The following NEMP2 variants were observed in gnomAD, a reference collection of about 807,000 sequenced individuals.
NEMP2 encodes the protein UPF0571 transmembrane protein.
In NEMP2, 53 loss-of-function variants were observed where a neutral mutation model predicts 54.2. That is an observed-to-expected ratio of 0.98 (90% confidence interval 0.78 to 1.23). The LOEUF (loss-of-function observed/expected upper bound fraction) is 1.23, where lower values mean the gene tolerates loss of function less well. Ranked by LOEUF, NEMP2 falls within the 50% of genes most tolerant of loss-of-function variation. The pLI is 0.00. For missense variants in NEMP2, 455 were observed against 511.3 expected, an observed-to-expected ratio of 0.89 and a Z score of 1.06; for synonymous variants, 197 against 190.3, an observed-to-expected ratio of 1.04 and a Z score of -0.29.
the NEMP2 span, among the ~76,000 whole-genome samples, chr2:190,462,632 G>A: frequency 7.2e-4 from 109 of 152,288 alleles, no homozygotes; most frequent in African/African-American, 2.4e-3. The surrounding 1 kb of genome is among the most constrained non-coding windows in gnomAD (Gnocchi z 5.7). Context: ...GAAACAAAGA[G>A]TGTAGCAGAG....
chr2:190,458,060 G>A, the NEMP2 span, among the ~76,000 whole-genome samples: 2 of 152,096 alleles, frequency 1.3e-5, no homozygotes, highest in African/African-American at 2.4e-5. The surrounding 1 kb of genome is among the most constrained non-coding windows in gnomAD (Gnocchi z 5.3). Flanking sequence ...AGCTGCCAGC[G>A]GTGTCACACA....
chr2:190,581,326 AT>A, the NEMP2 span, among the ~76,000 whole-genome samples: 544 of 152,364 alleles, frequency 3.6e-3, 7 homozygotes, highest in African/African-American at 0.013. Flanking sequence ...ATGGAAAAAA[AT>A]ATAATGTGTT....
chr2:190,640,786 AATTTTTTTTTTTTTTTTTTTTTTTTTTTT>A, the NEMP2 span, among the ~76,000 whole-genome samples: 2 of 119,302 alleles, frequency 1.7e-5, no homozygotes. Context: ...TAACACATTC[AATTTTTTTTTTTTTTTTTTTTTTTTTTTT>A]TTTTTTTTTT....
the NEMP2 span, among the ~76,000 whole-genome samples, chr2:190,485,727 A>AAGCAAAC: frequency 6.6e-6 from 1 of 152,164 alleles, no homozygotes; most frequent in East Asian, 1.9e-4. This position sits in a 1 kb window ranked among gnomAD's most constrained non-coding sequence, Gnocchi z 5.1. Flanking sequence ...TTGCCAGATA[A>AAGCAAAC]AGCAAACACG....
chr2:190,604,382 C>T, the NEMP2 span, among the ~76,000 whole-genome samples: 6 of 152,234 alleles, frequency 3.9e-5, no homozygotes, highest in South Asian at 2.1e-4. The surrounding 1 kb of genome is among the most constrained non-coding windows in gnomAD (Gnocchi z 4.5). Flanking sequence ...ACTACAGGTA[C>T]TTCTGGCAAA....
the NEMP2 span, among the ~76,000 whole-genome samples, chr2:190,552,306 T>C: frequency 2.6e-5 from 4 of 152,230 alleles, no homozygotes; most frequent in Admixed American, 2.0e-4. Flanking sequence ...GCCTGGTAAC[T>C]AGTCATTATA....
At chr2:190,425,459 C>G in the NEMP2 span, among the ~76,000 whole-genome samples, 12 of 152,182 alleles carry the variant, frequency 7.9e-5, no homozygotes, top group African/African-American at 2.9e-4. This position sits in a 1 kb window ranked among gnomAD's most constrained non-coding sequence, Gnocchi z 4.3. Context: ...TGCAGTGTTA[C>G]CCATGGGTTT....
At chr2:190,558,271 A>G in the NEMP2 span, among the ~76,000 whole-genome samples, 1 of 152,182 alleles carries the variant, frequency 6.6e-6, no homozygotes, top group African/African-American at 2.4e-5. This position sits in a 1 kb window ranked among gnomAD's most constrained non-coding sequence, Gnocchi z 4.4. Context: ...AAGTTGAATA[A>G]TGAGAACACA....
the NEMP2 span, among the ~76,000 whole-genome samples, chr2:190,598,736 T>C: frequency 6.6e-6 from 1 of 152,256 alleles, no homozygotes. Context: ...AGATCCATGT[T>C]GCCATGTTGC....
At chr2:190,602,013 T>C in the NEMP2 span, among the ~76,000 whole-genome samples, 1 of 152,130 alleles carries the variant, frequency 6.6e-6, no homozygotes, top group Non-Finnish European at 1.5e-5. Flanking sequence ...TCAAGCTGGC[T>C]AAAATGAACA....
chr2:190,485,466 T>C, the NEMP2 span, among the ~76,000 whole-genome samples: 1 of 152,198 alleles, frequency 6.6e-6, no homozygotes, highest in South Asian at 2.1e-4. This position sits in a 1 kb window ranked among gnomAD's most constrained non-coding sequence, Gnocchi z 5.1. Flanking sequence ...GATTTTGCTA[T>C]TGAATCTAAT....
intron 2 of NEMP2, among the ~76,000 whole-genome samples, chr2:190,524,107 C>T (rs1481779815): frequency 6.6e-6 from 1 of 151,174 alleles, no homozygotes; most frequent in Non-Finnish European, 1.5e-5. Context: ...GTTCCAGCTA[C>T]TTGAAAGGCT....
the NEMP2 span, among the ~76,000 whole-genome samples, chr2:190,643,027 T>G: frequency 6.7e-6 from 1 of 148,212 alleles, no homozygotes; most frequent in East Asian, 1.9e-4. Context: ...GTTAAGGTTT[T>G]TTTTTTTTTT....
At chr2:190,612,898 AAT>A in the NEMP2 span, among the ~76,000 whole-genome samples, 1 of 152,162 alleles carries the variant, frequency 6.6e-6, no homozygotes, top group Non-Finnish European at 1.5e-5. Context: ...TTTTAGAATG[AAT>A]GTTTTCCTAC....
At chr2:190,436,983 A>G in the NEMP2 span, 1 of 1,614,228 alleles carries the variant, frequency 6.2e-7, no homozygotes, top group Non-Finnish European at 8.5e-7. The surrounding 1 kb of genome is among the most constrained non-coding windows in gnomAD (Gnocchi z 5.3). Context: ...AGTATCTGGG[A>G]AAACACAGAG....
the NEMP2 span, among the ~76,000 whole-genome samples, chr2:190,566,959 A>G: frequency 1.0e-3 from 157 of 152,296 alleles, no homozygotes; most frequent in Non-Finnish European, 1.9e-3. Flanking sequence ...GTCGGCAAAA[A>G]AATACCATGA....
downstream of NEMP2, among the ~76,000 whole-genome samples, chr2:190,504,037 G>A (rs1483423604): frequency 6.6e-6 from 1 of 152,188 alleles, no homozygotes; most frequent in Admixed American, 6.5e-5. The surrounding 1 kb of genome is among the most constrained non-coding windows in gnomAD (Gnocchi z 5.6). Flanking sequence ...CTCCAGGAAA[G>A]TCCCAGTTTT....
At chr2:190,562,785 A>C in the NEMP2 span, among the ~76,000 whole-genome samples, 1 of 152,244 alleles carries the variant, frequency 6.6e-6, no homozygotes, top group Non-Finnish European at 1.5e-5. This position sits in a 1 kb window ranked among gnomAD's most constrained non-coding sequence, Gnocchi z 5.0. Context: ...ACATAGGGAA[A>C]GAAAAGTACC....
At chr2:190,575,125 G>A in the NEMP2 span, among the ~76,000 whole-genome samples, 3 of 151,970 alleles carry the variant, frequency 2.0e-5, no homozygotes, top group Admixed American at 2.0e-4. Context: ...AAAGTGCTGG[G>A]ATTACAGGTG....
Sources: allele counts gnomAD v4.1 joint callset (sites outside exome capture counted in the v4.1 genomes callset), GRCh38; gene constraint gnomAD v4.1.1; non-coding constraint Gnocchi (gnomAD v3.1); transcripts MANE v1.5; gene names NCBI Gene and HGNC (gene_info 2026-07-23, HGNC 2026-07-21).